Variants in TGM6 observed in about 807,000 individuals in gnomAD.
TGM6 encodes the protein transglutaminase 6, also known as protein-glutamine gamma-glutamyltransferase 6.
Under a neutral mutation model 77.5 loss-of-function variants are expected in TGM6, and 74 were observed. The observed-to-expected ratio is 0.96, with a 90% CI of 0.79 to 1.16. TGM6 has a LOEUF of 1.16. Among genes scored for constraint, TGM6 ranks in the 50% most tolerant of loss-of-function variants. TGM6 has a pLI of 0.00. For missense variants in TGM6, 968 were observed against 940.2 expected, an observed-to-expected ratio of 1.03 and a Z score of -0.39; for synonymous variants, 383 against 378.9, an observed-to-expected ratio of 1.01 and a Z score of -0.12.
rs371939940 is a variant in TGM6 at position 2,405,554 on chromosome 20, C to G, written c.1336+1731C>G. Reference sequence around the variant, plus strand: ...GTCTTAACTGGGTGAGGATTCAGTGCTGGCTAAGTGGGTGGGTGCTGCTGC... The same window carrying G: ...GTCTTAACTGGGTGAGGATTCAGTGGTGGCTAAGTGGGTGGGTGCTGCTGC... On this transcript the variant is annotated intron_variant, in intron 9 of 12. Transcript: ENST00000202625. Among the ~76,000 whole-genome samples the G allele has an allele frequency of 3.7e-4, 57 of 152,320 alleles. 1 individual carries two copies. In the South Asian group the frequency reaches 0.012, roughly 32 times the overall value.
chr20:2,414,686 G>A (rs1568665787), intron 9 of TGM6, among the ~76,000 whole-genome samples: 1 of 152,110 alleles, frequency 6.6e-6, no homozygotes, highest in East Asian at 1.9e-4. Flanking sequence ...TAAATAAAAT[G>A]TATATCCATC....
chr20:2,430,415 C>A (rs879367389), intron 10 of TGM6, 31 bp from the exon 11 acceptor site: 49 of 1,613,924 alleles, frequency 3.0e-5, no homozygotes, highest in Non-Finnish European at 4.1e-5. Flanking sequence ...AGACATCAAG[C>A]CCCAACTCCC....
chr20:2,391,696 A>G (rs1402018477), intron 1 of TGM6, among the ~76,000 whole-genome samples: 2 of 152,192 alleles, frequency 1.3e-5, no homozygotes, highest in African/African-American at 4.8e-5. Context: ...CAGATATCTA[A>G]TCAATCTTCC....
chr20:2,408,063 C>T (rs1456385692), intron 9 of TGM6, among the ~76,000 whole-genome samples: 4 of 152,068 alleles, frequency 2.6e-5, no homozygotes, highest in African/African-American at 4.8e-5. Context: ...TAAGATTTAG[C>T]CAGGAGATGA....
intron 9 of TGM6, among the ~76,000 whole-genome samples, chr20:2,409,626 C>T (rs919582135): frequency 1.3e-5 from 2 of 151,514 alleles, no homozygotes; most frequent in Non-Finnish European, 2.9e-5. Context: ...GCAAGAGAAT[C>T]ACCTGAACCT....
intron 1 of TGM6, among the ~76,000 whole-genome samples, chr20:2,385,116 A>G (rs2084585680): frequency 6.6e-6 from 1 of 152,144 alleles, no homozygotes; most frequent in South Asian, 2.1e-4. Flanking sequence ...GAATTCGGCC[A>G]AGGGAATTTG....
intron 10 of TGM6, among the ~76,000 whole-genome samples, chr20:2,426,708 G>A (rs1568671517): frequency 6.6e-6 from 1 of 152,108 alleles, no homozygotes; most frequent in Admixed American, 6.5e-5. Flanking sequence ...CTAGTTTGCT[G>A]AGAGCTTTAT....
In TGM6 at chr20:2,398,102, C is replaced by A; in HGVS notation, c.672+56C>A. On this transcript the variant is annotated intron_variant, in intron 5 of 12. Transcript: ENST00000202625. ...CTTCCTCAAGGATCCCCCAGCCAAC[C>A]CCGGGGCCACAACCTGTGATTCTTC... 1.9e-6 allele frequency: 3 copies of A among 1,613,704 alleles called. No individual in the cohort carries two copies. The South Asian group carries it at 3.3e-5, about 18-fold the overall frequency.
chr20:2,414,367 C>T (rs1337137470), intron 9 of TGM6, among the ~76,000 whole-genome samples: 1 of 152,164 alleles, frequency 6.6e-6, no homozygotes, highest in African/African-American at 2.4e-5. Context: ...CAATGAGATA[C>T]CACTTCACAT....
At chr20:2,403,320 G>C in intron 7 of TGM6, 77 bp from the exon 8 acceptor site, 1 of 1,511,598 alleles carries the variant, frequency 6.6e-7, no homozygotes. Flanking sequence ...AGGGAGCCCA[G>C]GGCCTGCCTC....
chr20:2,403,562 G>T lies in TGM6; in HGVS notation c.1094-19G>T, dbSNP rs1407802673. 24 of 1,614,082 alleles carry T rather than the reference G, an allele frequency of 1.5e-5. No homozygotes were observed. Among genetic ancestry groups the T allele is most frequent in the Non-Finnish European group, 2.0e-5 (24 of 1,180,026 alleles). ...GCTTTTCCTTACCCATGCTGCTCAT[G>T]CCCACCCCTCCTGCCCAGGTGTGTT... On this transcript the variant is annotated intron_variant, in intron 8 of 12. Transcript: ENST00000202625.
chr20:2,407,294 C>T (rs894659062), intron 9 of TGM6, among the ~76,000 whole-genome samples: 1 of 152,150 alleles, frequency 6.6e-6, no homozygotes, highest in Non-Finnish European at 1.5e-5. Context: ...AAGCAATGTC[C>T]AAGCATTATT....
intron 9 of TGM6, among the ~76,000 whole-genome samples, chr20:2,408,946 A>G (rs2084768512): frequency 6.6e-6 from 1 of 151,992 alleles, no homozygotes; most frequent in Admixed American, 6.6e-5. Context: ...GGTTGAGAGG[A>G]AGCGAACATT....
chr20:2,403,716 G>C lies in TGM6; in HGVS notation c.1229G>C (p.Arg410Pro). 6.2e-7 allele frequency: 1 copy of C among 1,614,216 alleles called. No individual in the cohort carries two copies. Among genetic ancestry groups the C allele is most frequent in the Non-Finnish European group, 8.5e-7 (1 of 1,180,044 alleles). The change falls in exon 9 of 13, where the codon CGG (arginine) becomes CCG (proline). Residue 410 changes from arginine (R) to proline (P), a missense_variant. By Grantham distance (103) the Arg-to-Pro change is moderately radical. Transcript: ENST00000202625. ...TGGCTGTGGCACGAGGATGAGAGCC[G>C]GGAGCGTGTATACTCAAACACGAAG... ...ITWLWHEDESRERVYSNTKKI... is the reference protein window; with the variant it reads ...ITWLWHEDESPERVYSNTKKI...
intron 1 of TGM6, among the ~76,000 whole-genome samples, chr20:2,382,351 G>T (rs1385004832): frequency 4.6e-5 from 7 of 152,216 alleles, no homozygotes; most frequent in Non-Finnish European, 7.3e-5. Context: ...TGGCCCTGGT[G>T]CAGAGGGGAT....
chr20:2,387,074 C>G (rs2084601323), intron 1 of TGM6, among the ~76,000 whole-genome samples: 1 of 152,182 alleles, frequency 6.6e-6, no homozygotes, highest in African/African-American at 2.4e-5. Context: ...GCAAGAAGTC[C>G]CTTTCTTCCC....
intron 1 of TGM6, 71 bp from the exon 2 acceptor site, chr20:2,394,381 G>T (rs945199889): frequency 9.8e-5 from 151 of 1,540,816 alleles, no homozygotes; most frequent in Non-Finnish European, 1.3e-4. Context: ...GAGAATGAAT[G>T]GGAGGACAAG....
chr20:2,385,022 C>T (rs1234811769), intron 1 of TGM6, among the ~76,000 whole-genome samples: 3 of 152,200 alleles, frequency 2.0e-5, no homozygotes, highest in Non-Finnish European at 4.4e-5. Flanking sequence ...GCAGATGCTG[C>T]CTCTCCCATC....
In TGM6 at chr20:2,394,500, C is replaced by G; in HGVS notation, c.56C>G (p.Ala19Gly). The change falls in exon 2 of 13, where the codon GCC becomes GGC. Residue 19 changes from alanine to glycine, a missense_variant. Coordinates refer to ENST00000202625, the MANE Select transcript of TGM6 (RefSeq NM_198994.3). ...VDWQRSRNGA[A>G]HHTQEYPCPE... ...TGGCAGCGGTCGAGGAATGGCGCTG[C>G]CCACCACACCCAGGAGTACCCCTGC... is the stretch of plus-strand genomic sequence containing the variant. The G allele has an allele frequency of 1.2e-6, 2 of 1,611,320 alleles. No homozygotes were observed. Among genetic ancestry groups the G allele is most frequent in the Non-Finnish European group, 1.7e-6 (2 of 1,179,536 alleles).
Sources: gnomAD v4.1 joint callset for allele counts (sites outside exome capture counted in the v4.1 genomes callset) on GRCh38, gnomAD v4.1.1 for gene constraint, MANE v1.5 for transcripts, NCBI Gene and HGNC (gene_info 2026-07-23, HGNC 2026-07-21) for gene names.